DIP2C: variants seen among roughly 807,000 people sequenced by gnomAD.
DIP2C encodes disco-interacting protein 2 homolog C.
A neutral mutation model predicts 192.4 loss-of-function variants in DIP2C; 33 were observed. The ratio of observed to expected loss-of-function variants is 0.17; its 90% CI spans 0.13 to 0.23. The LOEUF (loss-of-function observed/expected upper bound fraction) is 0.23. Ranked by LOEUF, DIP2C falls within the 10% of genes least tolerant of loss-of-function variation. DIP2C has a pLI of 1.00. For synonymous variants in DIP2C, 979 were observed against 864.1 expected, an observed-to-expected ratio of 1.13 and a Z score of -2.33; for missense variants, 1,537 against 2,110.1, an observed-to-expected ratio of 0.73 and a Z score of 5.32.
At chr10:451,889 A>G (rs72478222) in intron 3 of DIP2C, among the ~76,000 whole-genome samples, 10,752 of 152,244 alleles carry the variant, frequency 0.071, 461 homozygotes, top group East Asian at 0.16. Context: ...ACATTTTAAG[A>G]AATGTTTGCA....
chr10:605,718 G>A (rs1015828613), intron 1 of DIP2C, among the ~76,000 whole-genome samples: 2 of 152,150 alleles, frequency 1.3e-5, no homozygotes, highest in Admixed American at 6.5e-5. Context: ...CACATTTGCA[G>A]GTCACTTAAC....
chr10:310,947 T>A (rs1956540174), intron 31 of DIP2C, among the ~76,000 whole-genome samples: 1 of 151,956 alleles, frequency 6.6e-6, no homozygotes, highest in South Asian at 2.1e-4. Flanking sequence ...ATTTGAAGAA[T>A]TACACTAAAA....
chr10:514,549 G>A lies in DIP2C; in HGVS notation c.86-28019C>T, dbSNP rs147106664. Among the ~76,000 whole-genome samples the A allele has an allele frequency of 8.5e-5, 13 of 152,304 alleles. 1 individual carries two copies. In the South Asian group the frequency reaches 1.0e-3, roughly 12 times the overall value. Reference sequence around the variant, plus strand: ...TGTGGGCCTCACCGCATGGCCGTCCGTGTCCCCCTGCAGACCAGACCTCAC... The same window carrying A: ...TGTGGGCCTCACCGCATGGCCGTCCATGTCCCCCTGCAGACCAGACCTCAC... On this transcript the variant is annotated intron_variant, in intron 1 of 36. Coordinates refer to ENST00000280886, the MANE Select transcript of DIP2C (RefSeq NM_014974.3).
At chr10:510,126 A>T (rs771883089) in intron 1 of DIP2C, among the ~76,000 whole-genome samples, 9 of 152,222 alleles carry the variant, frequency 5.9e-5, no homozygotes, top group Non-Finnish European at 1.2e-4. Flanking sequence ...GGACCCGTAC[A>T]ACACGCATGA....
chr10:597,702 G>A (rs371973393), intron 1 of DIP2C, among the ~76,000 whole-genome samples: 28 of 152,280 alleles, frequency 1.8e-4, no homozygotes, highest in African/African-American at 5.8e-4. Flanking sequence ...TAACAATTAC[G>A]TAAGTCTTCA....
intron 1 of DIP2C, among the ~76,000 whole-genome samples, chr10:534,323 G>A (rs1451886702): frequency 3.3e-5 from 5 of 152,228 alleles, no homozygotes; most frequent in Non-Finnish European, 5.9e-5. Flanking sequence ...TGCTGGTGGG[G>A]ACAGAGGCAG....
intron 1 of DIP2C, among the ~76,000 whole-genome samples, chr10:548,428 G>A (rs1321394740): frequency 1.4e-5 from 2 of 147,660 alleles, no homozygotes; most frequent in Admixed American, 6.8e-5. Flanking sequence ...CAGGAGCCGC[G>A]GAGGCCACCG....
In DIP2C at chr10:399,103, C is replaced by G. The variant is rs755431692; in HGVS notation, c.1260+6G>C. 2 of 1,612,364 alleles carry G rather than the reference C, an allele frequency of 1.2e-6. No homozygotes were observed. The highest frequency in any genetic ancestry group is 3.3e-5 in the Admixed American group (2 of 60,024). On this transcript the variant is annotated splice_donor_region_variant and intron_variant, in intron 10 of 36. Transcript: ENST00000280886. ...CGAGAAACCGAGCAAAGGGCGCATT[C>G]CTTACCTTCCTGGTGAGCGGCACCT...
intron 22 of DIP2C, among the ~76,000 whole-genome samples, chr10:362,138 G>A (rs1481776365): frequency 6.6e-6 from 1 of 152,136 alleles, no homozygotes; most frequent in Non-Finnish European, 1.5e-5. Context: ...AAGTAGGTCA[G>A]AAATGAAAGA....
chr10:557,104 C>T (rs1220634562), intron 1 of DIP2C, among the ~76,000 whole-genome samples: 1 of 152,246 alleles, frequency 6.6e-6, no homozygotes, highest in Admixed American at 6.5e-5. Flanking sequence ...AGGAGACCGG[C>T]CACCTTGACA....
chr10:470,326 C>T (rs1480193873), intron 3 of DIP2C, among the ~76,000 whole-genome samples: 2 of 152,162 alleles, frequency 1.3e-5, no homozygotes, highest in Admixed American at 1.3e-4. Flanking sequence ...GTGCTTCTCA[C>T]GTTGGGTCTA....
At chr10:401,671 T>A (rs1964464524) in intron 9 of DIP2C, among the ~76,000 whole-genome samples, 1 of 148,584 alleles carries the variant, frequency 6.7e-6, no homozygotes, top group African/African-American at 2.5e-5. Flanking sequence ...ATTTTACATG[T>A]GTGGTAGCAT....
At chr10:321,317 A>G (rs1956999053) in intron 31 of DIP2C, among the ~76,000 whole-genome samples, 1 of 152,212 alleles carries the variant, frequency 6.6e-6, no homozygotes, top group East Asian at 1.9e-4. Flanking sequence ...CATAACACTC[A>G]TGAACTGTGC....
At chr10:638,473 A>G (rs906138489) in intron 1 of DIP2C, among the ~76,000 whole-genome samples, 1 of 152,228 alleles carries the variant, frequency 6.6e-6, no homozygotes, top group African/African-American at 2.4e-5. Flanking sequence ...CTTTACAGAG[A>G]GTCAAATTAT....
intron 15 of DIP2C, among the ~76,000 whole-genome samples, 194 bp downstream of exon 15, chr10:384,352 C>T (rs535693823): frequency 7.1e-6 from 1 of 139,994 alleles, no homozygotes; most frequent in Admixed American, 7.6e-5. Context: ...TTTCTCCTGC[C>T]TCAACCTCCC....
At chr10:399,679 A>G (rs760727428) in intron 9 of DIP2C, among the ~76,000 whole-genome samples, 16 of 152,222 alleles carry the variant, frequency 1.1e-4, no homozygotes, top group Non-Finnish European at 1.9e-4. Flanking sequence ...CTTCTCTGAA[A>G]AGTGAGAATA....
intron 5 of DIP2C, among the ~76,000 whole-genome samples, chr10:419,892 A>G (rs1966063400): frequency 6.6e-6 from 1 of 152,172 alleles, no homozygotes; most frequent in Non-Finnish European, 1.5e-5. Context: ...CCCCCTGGAG[A>G]TAAAGTTAAG....
intron 1 of DIP2C, among the ~76,000 whole-genome samples, chr10:609,499 CTCA>C (rs1265204428): frequency 6.6e-6 from 1 of 152,190 alleles, no homozygotes; most frequent in Admixed American, 6.5e-5. Flanking sequence ...GCATCCACAG[CTCA>C]TCTTCTCAAA....
chr10:422,203 G>A (rs1966237972), intron 5 of DIP2C, among the ~76,000 whole-genome samples: 1 of 152,210 alleles, frequency 6.6e-6, no homozygotes, highest in African/African-American at 2.4e-5. Flanking sequence ...CGTACTTGAT[G>A]AAAAACATTT....
Sources: allele counts gnomAD v4.1 joint callset (sites outside exome capture counted in the v4.1 genomes callset), GRCh38; gene constraint gnomAD v4.1.1; transcripts MANE v1.5; gene names NCBI Gene and HGNC (gene_info 2026-07-23, HGNC 2026-07-21).